TOP2B: variants seen among roughly 807,000 people sequenced by gnomAD.
The protein encoded by TOP2B is DNA topoisomerase II beta.
In TOP2B, 51 loss-of-function variants were observed where a neutral mutation model predicts 193.5. The ratio of observed to expected loss-of-function variants is 0.26; its 90% CI spans 0.21 to 0.33. The LOEUF is 0.33. Among genes scored for constraint, TOP2B ranks in the 10% least tolerant of loss-of-function variants. The probability of loss-of-function intolerance (pLI) is 1.00; values close to 1 mark genes in which losing one functional copy is unlikely to be tolerated. For synonymous variants in TOP2B, 634 were observed against 635.7 expected (o/e 1.00, Z 0.04); for missense variants, 1,378 against 1,909.3 (o/e 0.72, Z 5.19).
chr3:25,626,672 T>C lies in TOP2B; in HGVS notation c.2112A>G (p.Gln704=), dbSNP rs1314965615. 4 of 1,522,726 alleles carry C rather than the reference T, an allele frequency of 2.6e-6. No individual in the cohort carries two copies. Among genetic ancestry groups the C allele is most frequent in the African/African-American group, 1.4e-5 (1 of 71,756 alleles). The allele number at this position is 1,522,726 out of a possible 1,614,324, so 94.3% of individuals were successfully genotyped here. A position where few individuals can be genotyped will look rare whatever the true frequency, so the allele number is the denominator to read the frequency against. ...GCTTTGTTGCAGTACCATATAAAAA[T>C]TGCTAAGAGAAAAGTTATATAGCAA... ...RQRRLHGLPE[Q]FLYGTATKHL... Residue 704 remains glutamine (Q), a splice_region_variant and synonymous_variant, in exon 18 of 36, where the codon CAA becomes CAG. Coordinates refer to ENST00000264331, the MANE Select transcript of TOP2B (RefSeq NM_001330700.2).
At chr3:25,603,043 C>G (rs763774129) in intron 33 of TOP2B, among the ~76,000 whole-genome samples, 3 of 152,122 alleles carry the variant, frequency 2.0e-5, no homozygotes, top group Non-Finnish European at 4.4e-5. Context: ...AGTTCAGCTA[C>G]TGAAGAAGGA....
chr3:25,650,469 C>T (rs1175794660), intron 1 of TOP2B, among the ~76,000 whole-genome samples: 2 of 152,174 alleles, frequency 1.3e-5, no homozygotes, highest in Non-Finnish European at 2.9e-5. Flanking sequence ...TCATTTCCTG[C>T]TACAATTATT....
chr3:25,615,364 G>A, intron 26 of TOP2B, 67 bp downstream of exon 26: 1 of 1,541,800 alleles, frequency 6.5e-7, no homozygotes. Context: ...ACTTATTTTT[G>A]GAAAAAGAAA....
rs566885143 is a variant in TOP2B at position 25,649,980 on chromosome 3, G to T, written c.70-4510C>A. Among the ~76,000 whole-genome samples the T allele has an allele frequency of 4.3e-4, 65 of 152,246 alleles. No homozygotes were observed. The East Asian group carries it at 0.01, about 23-fold the overall frequency. Reference sequence around the variant, plus strand: ...TTAGCTCAACTCTGAAGAACCAAGGGTCTTGGGAATTTAACCATGCCAATG... The same window carrying T: ...TTAGCTCAACTCTGAAGAACCAAGGTTCTTGGGAATTTAACCATGCCAATG... On this transcript the variant is annotated intron_variant, in intron 1 of 35. Transcript: ENST00000264331.
intron 33 of TOP2B, among the ~76,000 whole-genome samples, chr3:25,602,353 C>A (rs367782856): frequency 2.1e-5 from 3 of 143,812 alleles, no homozygotes; most frequent in Non-Finnish European, 4.5e-5. Flanking sequence ...GCCAAGATCA[C>A]GCTACTCCAC....
intron 18 of TOP2B, among the ~76,000 whole-genome samples, chr3:25,625,393 T>C (rs1559499028): frequency 1.3e-5 from 2 of 152,202 alleles, no homozygotes; most frequent in Admixed American, 1.3e-4. Flanking sequence ...TTCATAAGGA[T>C]TGCATGAAAC....
chr3:25,622,872 C>T (rs998224377), intron 21 of TOP2B, among the ~76,000 whole-genome samples: 1 of 152,112 alleles, frequency 6.6e-6, no homozygotes, highest in African/African-American at 2.4e-5. Context: ...GAACTCCTGA[C>T]CTCAGGTGAT....
intron 15 of TOP2B, 93 bp from the exon 16 acceptor site, chr3:25,627,389 G>A (rs1702832214): frequency 1.4e-6 from 1 of 731,958 alleles, no homozygotes; most frequent in African/African-American, 1.8e-5. Context: ...GTAATAGATG[G>A]ATCAAGCTGG....
At chr3:25,602,417 A>AAAAAAAAAAG (rs1702123710) in intron 33 of TOP2B, among the ~76,000 whole-genome samples, 4 of 69,828 alleles carry the variant, frequency 5.7e-5, no homozygotes, top group African/African-American at 2.3e-4. Flanking sequence ...AAAGAAAAAG[A>AAAAAAAAAAG]AAAAAAAAAA....
intron 1 of TOP2B, among the ~76,000 whole-genome samples, chr3:25,663,095 A>G (rs764714995): frequency 6.6e-6 from 1 of 152,226 alleles, no homozygotes; most frequent in Non-Finnish European, 1.5e-5. Flanking sequence ...CAATAAGAGC[A>G]TGGCAAGTTA....
intron 8 of TOP2B, among the ~76,000 whole-genome samples, chr3:25,633,431 C>T (rs1459285053): frequency 6.6e-6 from 1 of 152,104 alleles, no homozygotes; most frequent in Non-Finnish European, 1.5e-5. Flanking sequence ...AATGTATTCA[C>T]CAACCTAGGA....
chr3:25,627,149 A>G, intron 16 of TOP2B, 38 bp downstream of exon 16: 2 of 1,397,234 alleles, frequency 1.4e-6, no homozygotes, highest in Non-Finnish European at 2.0e-6. Context: ...AGGTAGGGGG[A>G]TGGCTAACAA....
chr3:25,630,285 C>G (rs1559500922), intron 12 of TOP2B, 27 bp downstream of exon 12: 1 of 1,449,420 alleles, frequency 6.9e-7, no homozygotes, highest in Non-Finnish European at 9.4e-7. Context: ...TGTGTGTATA[C>G]ACATATATAT....
In TOP2B at chr3:25,638,265, T is replaced by A; in HGVS notation, c.441A>T (p.Pro147=). ...ISIWNNGKGI[P]VVEHKVEKVY... ...CTTTCTCTACCTTGTGTTCTACTAC[T>A]GGAATGCCTTTCCCATTATTCCAAA... is the stretch of plus-strand genomic sequence containing the variant. The change falls in exon 5 of 36, where the codon CCA becomes CCT. Residue 147 remains proline, a synonymous_variant. Transcript: ENST00000264331. The A allele has an allele frequency of 6.9e-7, 1 of 1,448,436 alleles. No individual in the cohort carries two copies. Among genetic ancestry groups the A allele is most frequent in the Non-Finnish European group, 9.2e-7 (1 of 1,088,904 alleles). The allele number at this position is 1,448,436 out of a possible 1,614,324, so 89.7% of individuals were successfully genotyped here.
rs1490618204 is a variant in TOP2B at position 25,626,588 on chromosome 3, A to G, written c.2196T>C (p.Asn732=). 3 of 1,528,160 alleles carry G rather than the reference A, an allele frequency of 2.0e-6. No homozygotes were observed. The highest frequency in any genetic ancestry group is 2.6e-6 in the Non-Finnish European group (3 of 1,139,566). 94.7% of individuals were successfully genotyped at this position (1,528,160 alleles called of 1,614,324 possible). The change falls in exon 18 of 36, where the codon AAT becomes AAC. Residue 732 remains asparagine, a synonymous_variant. Coordinates refer to ENST00000264331, the MANE Select transcript of TOP2B (RefSeq NM_001330700.2). ...CAACAAGAGATGGTATAGATCTTTC[A>G]TTGTCTGAGTTTGAGAAGAGAATCA... ...KELILFSNSD[N]ERSIPSLVDG...
At chr3:25,602,550 A>C (rs1702133717) in intron 33 of TOP2B, among the ~76,000 whole-genome samples, 1 of 151,280 alleles carries the variant, frequency 6.6e-6, no homozygotes, top group South Asian at 2.1e-4. Context: ...TTCCAGTCGC[A>C]ATTTGAGACA....
Position 25,633,942 on chromosome 3 carries a change from C to G in TOP2B, c.925G>C (p.Val309Leu). The change falls in exon 8 of 36, where the codon GTT becomes CTT. Residue 309 changes from valine (V) to leucine (L), a missense_variant. Physicochemically the swap from Val to Leu is conservative, Grantham distance 32. Coordinates refer to ENST00000264331, the MANE Select transcript of TOP2B (RefSeq NM_001330700.2). ...CTTTCATTTGCAAGCTCATGAATAA[C>G]TTTCAGGGCCACCCCAGTTTCATCC... ...KLDETGVALK[V>L]IHELANERWD... 8 of 1,613,078 alleles carry G rather than the reference C, an allele frequency of 5.0e-6. No individual in the cohort carries two copies. Among genetic ancestry groups the G allele is most frequent in the Non-Finnish European group, 6.8e-6 (8 of 1,179,352 alleles).
At chr3:25,644,855 C>A (rs1413054495) in intron 2 of TOP2B, among the ~76,000 whole-genome samples, 1 of 151,722 alleles carries the variant, frequency 6.6e-6, no homozygotes, top group Non-Finnish European at 1.5e-5. Context: ...AGTGCAGTGG[C>A]GTGATCTCGG....
chr3:25,636,647 A>C (rs189829303), intron 6 of TOP2B, among the ~76,000 whole-genome samples: 2 of 152,170 alleles, frequency 1.3e-5, no homozygotes, highest in East Asian at 3.9e-4. Flanking sequence ...TAAACTGTAC[A>C]ACTTTATAAA....
Sources: allele counts gnomAD v4.1 joint callset (sites outside exome capture counted in the v4.1 genomes callset), GRCh38; gene constraint gnomAD v4.1.1; transcripts MANE v1.5; gene names NCBI Gene and HGNC (gene_info 2026-07-23, HGNC 2026-07-21).